Variants in MCF2 observed in about 807,000 individuals in gnomAD.
MCF2 encodes proto-oncogene DBL.
A neutral mutation model predicts 82.5 loss-of-function variants in MCF2; 44 were observed. The ratio of observed to expected loss-of-function variants is 0.53; its 90% CI spans 0.42 to 0.69. The LOEUF is 0.69. MCF2 is among the 30% of genes least tolerant of loss of function. The pLI is 0.00. For missense variants in MCF2, 623 were observed against 663.1 expected (o/e 0.94, Z 0.66); for synonymous variants, 217 against 224.9 (o/e 0.96, Z 0.32).
chrX:139,607,715 C>T, exon 12 of MCF2: 1 of 1,200,890 alleles, frequency 8.3e-7, no homozygotes, highest in Non-Finnish European at 1.1e-6. Flanking sequence ...CAAGCTATTG[C>T]CATTGTCCAA....
chrX:139,659,658 C>T (rs1934304402), intron 1 of MCF2, among the ~76,000 whole-genome samples: 1 of 111,695 alleles, frequency 9.0e-6, no homozygotes, highest in African/African-American at 3.3e-5. Context: ...CCAAGCACTA[C>T]GGAGCCATAG....
At chrX:139,620,021 G>A (rs753726078) in intron 6 of MCF2, among the ~76,000 whole-genome samples, 2 of 102,787 alleles carry the variant, frequency 1.9e-5, no homozygotes, top group Non-Finnish European at 4.0e-5. Context: ...GTGTGTGTGT[G>A]TGTGTGTATA....
intron 1 of MCF2, among the ~76,000 whole-genome samples, chrX:139,660,724 T>C (rs1934334502): frequency 8.9e-6 from 1 of 112,558 alleles, no homozygotes; most frequent in South Asian, 3.6e-4. Context: ...AGGTACAATA[T>C]AAAAGGCATT....
intron 6 of MCF2, among the ~76,000 whole-genome samples, chrX:139,621,843 C>T (rs1429524331): frequency 4.5e-5 from 5 of 111,101 alleles, no homozygotes; most frequent in African/African-American, 9.8e-5. Flanking sequence ...TCTAAAACAC[C>T]GAAAGCAATG....
In MCF2 at chrX:139,622,066, G is replaced by C. The variant is rs780742840; in HGVS notation, c.688-2360C>G. Among the ~76,000 whole-genome samples, 208 of 110,661 alleles carry C rather than the reference G, an allele frequency of 1.9e-3. 1 individual carries two copies. The highest frequency in any genetic ancestry group is 3.1e-3 in the Non-Finnish European group (162 of 52,691). ...CAAACAACCCCATCAAAAAGTGGGC[G>C]AAGGATATGAACAGACACTTCTCAA... On this transcript the variant is annotated intron_variant, in intron 6 of 24. Coordinates refer to ENST00000370576, the Ensembl canonical transcript of MCF2.
Position 139,681,244 on chromosome X carries a change from G to A in MCF2, c.-45+26862C>T, listed in dbSNP as rs1350748019. ...ATGGTACAAGAGTACAAATGAAGAC[G>A]TGATGACCAGAGAACTCTCAGTATC... On this transcript the variant is annotated intron_variant, in intron 1 of 27. Transcript: ENST00000414978. 5.3e-5 allele frequency among the ~76,000 whole-genome samples: 6 copies of A among 112,337 alleles called. No homozygotes were observed. The Admixed American group carries it at 5.7e-4, about 11-fold the overall frequency.
chrX:139,650,602 T>C (rs988288649), intron 2 of MCF2, among the ~76,000 whole-genome samples: 4 of 112,245 alleles, frequency 3.6e-5, no homozygotes, highest in Non-Finnish European at 7.5e-5. Context: ...ATGTAATATT[T>C]AATGATATAA....
chrX:139,626,058 G>T, intron 6 of MCF2, 135 bp downstream of exon 9: 1 of 359,502 alleles, frequency 2.8e-6, no homozygotes, highest in Non-Finnish European at 4.9e-6. Context: ...CTAAGCCAAG[G>T]TTCATTTACA....
chrX:139,692,270 C>T, intron 1 of MCF2: 2 of 395,312 alleles, frequency 5.1e-6, no homozygotes, highest in South Asian at 3.5e-5. Context: ...CACTCAGGCA[C>T]TGCCGGAGGG....
intron 1 of MCF2, among the ~76,000 whole-genome samples, chrX:139,698,004 G>A (rs1935416940): frequency 9.0e-6 from 1 of 110,935 alleles, no homozygotes; most frequent in Non-Finnish European, 1.9e-5. Flanking sequence ...GCCGGGTGTA[G>A]TGGTGCATCC....
At chrX:139,665,220 G>A (rs151196273) in intron 1 of MCF2, among the ~76,000 whole-genome samples, 201 of 111,209 alleles carry the variant, frequency 1.8e-3, no homozygotes, top group African/African-American at 6.4e-3. Flanking sequence ...CAAGTCCACT[G>A]GCTCTGAACC....
intron 10 of MCF2, among the ~76,000 whole-genome samples, chrX:139,612,127 G>T (rs2148450320): frequency 9.1e-6 from 1 of 110,172 alleles, no homozygotes; most frequent in South Asian, 4.0e-4. Context: ...ATACTTAGTA[G>T]GCACAAATCC....
At chrX:139,603,002 C>G (rs1166531843) in intron 15 of MCF2, among the ~76,000 whole-genome samples, 1 of 111,700 alleles carries the variant, frequency 9.0e-6, no homozygotes. Context: ...ACCTCCTACT[C>G]ATTATTTAAC....
intron 13 of MCF2, among the ~76,000 whole-genome samples, chrX:139,605,240 T>C (rs1930896356): frequency 9.1e-6 from 1 of 109,936 alleles, no homozygotes; most frequent in African/African-American, 3.3e-5. Context: ...GTAATAGCTC[T>C]TTGGCCTTCA....
At chrX:139,670,048 T>C (rs1934636843) in intron 1 of MCF2, among the ~76,000 whole-genome samples, 1 of 111,942 alleles carries the variant, frequency 8.9e-6, no homozygotes, top group South Asian at 3.7e-4. Flanking sequence ...TATACGTGTA[T>C]TATATCCCAA....
intron 6 of MCF2, among the ~76,000 whole-genome samples, chrX:139,621,638 C>T (rs1932367228): frequency 9.0e-6 from 1 of 111,694 alleles, no homozygotes; most frequent in Non-Finnish European, 1.9e-5. Flanking sequence ...AAAGGATTCC[C>T]TATTTAATAA....
At chrX:139,660,609 C>T (rs1014523611) in intron 1 of MCF2, among the ~76,000 whole-genome samples, 1 of 112,118 alleles carries the variant, frequency 8.9e-6, no homozygotes, top group African/African-American at 3.2e-5. Context: ...AAATGTTATG[C>T]TTTAAAAGGT....
At chrX:139,644,620 T>G (rs753369808), upstream of MCF2, among the ~76,000 whole-genome samples, 5 of 112,316 alleles carry the variant, frequency 4.5e-5, no homozygotes, top group African/African-American at 1.6e-4. Context: ...ATCTTACCCA[T>G]TTTACCTTGC....
chrX:139,651,792 T>G lies in MCF2; in HGVS notation c.-44-4A>C. On this transcript the variant is annotated splice_region_variant and splice_polypyrimidine_tract_variant and intron_variant, in intron 1 of 27. Coordinates refer to the MCF2 transcript ENST00000414978. ...ATACGGAGGAGCAGATCGGTTTCTA[T>G]GACAAACGAAAATAGAAGAAATGAC... The G allele has an allele frequency of 1.8e-6, 2 of 1,107,080 alleles. No homozygotes were observed. Among genetic ancestry groups the G allele is most frequent in the East Asian group, 3.3e-5 (1 of 30,577 alleles). 91.2% of individuals were successfully genotyped at this position (1,107,080 alleles called of 1,213,427 possible).
Sources: allele counts gnomAD v4.1 joint callset (sites outside exome capture counted in the v4.1 genomes callset), GRCh38; gene constraint gnomAD v4.1.1; transcripts MANE v1.5; gene names NCBI Gene and HGNC (gene_info 2026-07-23, HGNC 2026-07-21).